Variants in DGKD observed in about 807,000 individuals in gnomAD.
DGKD encodes the protein DAG kinase delta.
Under a neutral mutation model 154.4 loss-of-function variants are expected in DGKD, and 68 were observed. The ratio of observed to expected loss-of-function variants is 0.44; its 90% CI spans 0.36 to 0.54. The LOEUF (loss-of-function observed/expected upper bound fraction) is 0.54. Ranked by LOEUF, DGKD falls within the 20% of genes least tolerant of loss-of-function variation. The pLI, the probability that DGKD is intolerant of heterozygous loss-of-function variation, is 0.00. For missense variants in DGKD, 1,343 were observed against 1,593.6 expected (o/e 0.84, Z 2.68); for synonymous variants, 693 against 638.0 (o/e 1.09, Z -1.30).
chr2:233,433,724 A>T (rs2125586906), intron 3 of DGKD, among the ~76,000 whole-genome samples: 1 of 152,366 alleles, frequency 6.6e-6, no homozygotes, highest in Non-Finnish European at 1.5e-5. Flanking sequence ...CACAAAAAAA[A>T]TTAAAAAGAA....
chr2:233,363,800 T>C (rs1454815334), intron 1 of DGKD, among the ~76,000 whole-genome samples: 4 of 152,246 alleles, frequency 2.6e-5, no homozygotes, highest in African/African-American at 9.6e-5. Flanking sequence ...TTGCCTACAG[T>C]GTCAGCACAG....
At position 233,435,873 on chromosome 2, in the gene DGKD, G is replaced by A; in HGVS notation, c.642G>A (p.Lys214=). The change falls in exon 6 of 30, where the codon AAG becomes AAA. Residue 214 remains lysine (K), a synonymous_variant. Coordinates refer to ENST00000264057, the MANE Select transcript of DGKD (RefSeq NM_152879.3). ...CTGTGCGTGCAACCAATAACTGCAAGTGGACCACACTGGCCTCGATCGGGA... is the reference window on the plus strand; with the variant it reads ...CTGTGCGTGCAACCAATAACTGCAAATGGACCACACTGGCCTCGATCGGGA... ...RCAVRATNNC[K]WTTLASIGKD... 6.2e-7 allele frequency: 1 copy of A among 1,612,578 alleles called. No individual in the cohort carries two copies. The highest frequency in any genetic ancestry group is 1.3e-5 in the African/African-American group (1 of 74,920).
At chr2:233,402,603 C>T (rs1301613899) in intron 3 of DGKD, among the ~76,000 whole-genome samples, 1 of 152,228 alleles carries the variant, frequency 6.6e-6, no homozygotes, top group Non-Finnish European at 1.5e-5. Flanking sequence ...TTGTGGACCC[C>T]TCTGTGGGCC....
chr2:233,404,033 G>A (rs2061621774), intron 3 of DGKD, among the ~76,000 whole-genome samples: 1 of 144,340 alleles, frequency 6.9e-6, no homozygotes, highest in African/African-American at 2.5e-5. Context: ...TAAATTTTGT[G>A]TTTTGTGTTA....
chr2:233,388,688 ATT>A (rs1454572493), intron 2 of DGKD: 5 of 199,256 alleles, frequency 2.5e-5, no homozygotes, highest in Non-Finnish European at 5.0e-5. Context: ...GGGGCTATGA[ATT>A]TCATCTTCTT....
intron 7 of DGKD, among the ~76,000 whole-genome samples, chr2:233,436,775 A>G (rs1387952592): frequency 1.3e-5 from 2 of 152,236 alleles, no homozygotes; most frequent in Non-Finnish European, 2.9e-5. Flanking sequence ...GAAGCAGGAA[A>G]GCTGTAGAGG....
intron 1 of DGKD, among the ~76,000 whole-genome samples, chr2:233,372,565 C>T (rs1470328038): frequency 6.6e-6 from 1 of 151,730 alleles, no homozygotes; most frequent in African/African-American, 2.4e-5. Context: ...CAAGTAGAAC[C>T]AGGTTTGTCA....
At chr2:233,453,317 C>T (rs1371951872) in intron 18 of DGKD, among the ~76,000 whole-genome samples, 2 of 152,178 alleles carry the variant, frequency 1.3e-5, no homozygotes, top group African/African-American at 4.8e-5. Context: ...CACTGCCGCC[C>T]CTCCTGCTCC....
chr2:233,446,603 A>G (rs1455003823), intron 11 of DGKD, 109 bp from the exon 12 acceptor site: 23 of 1,141,496 alleles, frequency 2.0e-5, no homozygotes, highest in Non-Finnish European at 2.9e-5. Context: ...AAATGAAGTC[A>G]GAAACGGTGT....
In DGKD at chr2:233,368,322, C is replaced by T. The variant is rs576618548; in HGVS notation, c.156+13648C>T. ...GTCAGGAGTTCGAGACCAGCCTGGC[C>T]GATATGGTAAAACCCCATCTCTACT... On this transcript the variant is annotated intron_variant, in intron 1 of 29. Coordinates refer to ENST00000264057, the MANE Select transcript of DGKD (RefSeq NM_152879.3). 5.3e-5 allele frequency among the ~76,000 whole-genome samples: 8 copies of T among 152,016 alleles called. No individual in the cohort carries two copies. The Middle Eastern group carries it at 0.017, about 323-fold the overall frequency.
chr2:233,464,961 C>G (rs2063781870), intron 27 of DGKD, among the ~76,000 whole-genome samples: 1 of 152,260 alleles, frequency 6.6e-6, no homozygotes, highest in African/African-American at 2.4e-5. Flanking sequence ...GACGCCAAAC[C>G]TGGGCACCCC....
At chr2:233,358,723 C>T (rs967047492) in intron 1 of DGKD, among the ~76,000 whole-genome samples, 4 of 152,132 alleles carry the variant, frequency 2.6e-5, no homozygotes, top group South Asian at 2.1e-4. Context: ...TGGCATGTAT[C>T]GGTACTTCAT....
Position 233,441,375 on chromosome 2 carries a change from G to A in DGKD, c.1086-512G>A, listed in dbSNP as rs968654082. Among the ~76,000 whole-genome samples the A allele has an allele frequency of 2.6e-5, 4 of 152,224 alleles. No individual in the cohort carries two copies. Among genetic ancestry groups the A allele is most frequent in the Admixed American group, 6.5e-5 (1 of 15,284 alleles). On this transcript the variant is annotated intron_variant, in intron 9 of 29. Transcript: ENST00000264057. This position sits in a 1 kb window ranked among gnomAD's most constrained non-coding sequence, Gnocchi z 5.6. Reference sequence around the variant, plus strand: ...TGGGGCTCCAGGGTGACCAGAACAAGGGCCAGGGCGGAAGCCAGACTGTGG... The same window carrying A: ...TGGGGCTCCAGGGTGACCAGAACAAAGGCCAGGGCGGAAGCCAGACTGTGG...
At chr2:233,359,488 T>C (rs1574970851) in intron 1 of DGKD, among the ~76,000 whole-genome samples, 1 of 90,244 alleles carries the variant, frequency 1.1e-5, no homozygotes, top group Admixed American at 1.7e-4. Context: ...ATTTTTTGTC[T>C]TTCTGATTTT....
rs116576519 is a variant in DGKD, at chr2:233,366,034, G to A, written c.156+11360G>A. On this transcript the variant is annotated intron_variant, in intron 1 of 29. Transcript: ENST00000264057. Reference sequence around the variant, plus strand: ...GAGGAGGAGGAGGTTGCTGATCAAAGAGGTATGCAAAGGCCCTGTGGCAAG... The same window carrying A: ...GAGGAGGAGGAGGTTGCTGATCAAAAAGGTATGCAAAGGCCCTGTGGCAAG... Among the ~76,000 whole-genome samples, 93 of 152,300 alleles carry A rather than the reference G, an allele frequency of 6.1e-4. 1 individual carries two copies. The highest frequency in any genetic ancestry group is 1.0e-3 in the Non-Finnish European group (68 of 68,020).
chr2:233,393,045 C>G (rs562935116), intron 3 of DGKD, among the ~76,000 whole-genome samples: 1 of 152,248 alleles, frequency 6.6e-6, no homozygotes, highest in East Asian at 1.9e-4. Flanking sequence ...GAGACGGAAT[C>G]TTGCTCTGTT....
chr2:233,446,938 G>A (rs2063096166), intron 12 of DGKD, 142 bp downstream of exon 12: 1 of 944,242 alleles, frequency 1.1e-6, no homozygotes, highest in South Asian at 1.7e-5. Flanking sequence ...GAGGCGCAGG[G>A]TGAACCCATG....
At chr2:233,375,952 G>T (rs1702553232) in intron 1 of DGKD, among the ~76,000 whole-genome samples, 1 of 152,128 alleles carries the variant, frequency 6.6e-6, no homozygotes, top group Admixed American at 6.5e-5. Flanking sequence ...TTTCACTGTA[G>T]TATTGCAAGC....
In DGKD at chr2:233,462,716, T is replaced by A. The variant is rs1207500459; in HGVS notation, c.3167T>A (p.Leu1056Gln). ...CTGCGCAGTGAGACGGAGCTGCTGC[T>A]GTCTGGGAAGATGGCCCTGGTAAGC... ...RALRSETELL[L>Q]SGKMALQLDP... Residue 1056 changes from leucine (L) to glutamine (Q), a missense_variant, in exon 26 of 30, where the codon CTG (leucine) becomes CAG (glutamine). Coordinates refer to ENST00000264057, the MANE Select transcript of DGKD (RefSeq NM_152879.3). 1 of 1,613,924 alleles carries A rather than the reference T, an allele frequency of 6.2e-7. No individual in the cohort carries two copies. The highest frequency in any genetic ancestry group is 8.5e-7 in the Non-Finnish European group (1 of 1,179,982).
Sources: allele counts gnomAD v4.1 joint callset (sites outside exome capture counted in the v4.1 genomes callset), GRCh38; gene constraint gnomAD v4.1.1; non-coding constraint Gnocchi (gnomAD v3.1); transcripts MANE v1.5; gene names NCBI Gene and HGNC (gene_info 2026-07-23, HGNC 2026-07-21).